The following TENM4 variants were observed in gnomAD, a reference collection of about 807,000 sequenced individuals.
The protein encoded by TENM4 is teneurin-4.
In TENM4, 82 loss-of-function variants were observed where a neutral mutation model predicts 243.3. The observed-to-expected ratio is 0.34, with a 90% CI of 0.28 to 0.40. TENM4 has a LOEUF of 0.40. TENM4 is among the 10% of genes least tolerant of loss of function. TENM4 has a pLI of 1.00. For synonymous variants in TENM4, 1,412 were observed against 1,456.3 expected (o/e 0.97, Z 0.69); for missense variants, 3,138 against 3,673.3 (o/e 0.85, Z 3.77).
intron 1 of TENM4, among the ~76,000 whole-genome samples, chr11:79,334,271 C>T (rs1380526482): frequency 6.6e-6 from 1 of 152,202 alleles, no homozygotes; most frequent in African/African-American, 2.4e-5. Flanking sequence ...CAGAGTGGGC[C>T]CATCTGGAGA....
chr11:79,122,497 C>T (rs1451193572), intron 4 of TENM4, among the ~76,000 whole-genome samples: 1 of 152,138 alleles, frequency 6.6e-6, no homozygotes, highest in Non-Finnish European at 1.5e-5. Context: ...TCCGCTGGGA[C>T]TAGCTTAGCA....
At chr11:78,810,875 G>A (rs968788121) in intron 14 of TENM4, among the ~76,000 whole-genome samples, 2 of 152,206 alleles carry the variant, frequency 1.3e-5, no homozygotes, top group African/African-American at 4.8e-5. Flanking sequence ...AGGTGCCAGG[G>A]TGCTAGATGG....
intron 2 of TENM4, among the ~76,000 whole-genome samples, chr11:79,236,170 A>G (rs1173966432): frequency 6.6e-6 from 1 of 152,108 alleles, no homozygotes; most frequent in Non-Finnish European, 1.5e-5. Flanking sequence ...TATGGAAAAA[A>G]GGTATATAAT....
intron 1 of TENM4, among the ~76,000 whole-genome samples, chr11:79,367,910 C>A (rs1232471900): frequency 6.6e-6 from 1 of 152,170 alleles, no homozygotes; most frequent in East Asian, 1.9e-4. Flanking sequence ...GAGTTTCAAG[C>A]CTCCTTTGTG....
At chr11:79,359,360 C>T (rs1857553130) in intron 1 of TENM4, among the ~76,000 whole-genome samples, 1 of 152,218 alleles carries the variant, frequency 6.6e-6, no homozygotes, top group Middle Eastern at 3.4e-3. Context: ...GGAATTCTTA[C>T]ACATCATCCA....
chr11:78,746,478 G>A (rs933318299), intron 19 of TENM4, among the ~76,000 whole-genome samples: 1 of 152,258 alleles, frequency 6.6e-6, no homozygotes, highest in Non-Finnish European at 1.5e-5. Flanking sequence ...TGGGCAGCCT[G>A]GCTGCTCAAT....
At position 78,846,974 on chromosome 11, in the gene TENM4, AC is replaced by A. The variant is rs1248980904; in HGVS notation, c.1681+7129del. Among the ~76,000 whole-genome samples the A allele has an allele frequency of 9.2e-5, 14 of 152,324 alleles. No individual in the cohort carries two copies. The East Asian group carries it at 2.7e-3, about 29-fold the overall frequency. On this transcript the variant is annotated intron_variant, in intron 12 of 33. Coordinates refer to ENST00000278550, the MANE Select transcript of TENM4 (RefSeq NM_001098816.3). ...TTATATCTCTGAGTGTCCAAGTGAC[AC>A]AGCTCTGCCAAAGAAATGTAAGCTG...
intron 4 of TENM4, among the ~76,000 whole-genome samples, chr11:79,106,874 C>G (rs1489092724): frequency 6.6e-6 from 1 of 152,192 alleles, no homozygotes; most frequent in Non-Finnish European, 1.5e-5. Context: ...AGATGAAGAA[C>G]AGCATGAATA....
intron 3 of TENM4, among the ~76,000 whole-genome samples, chr11:79,152,329 C>T (rs370791546): frequency 1.3e-5 from 2 of 152,114 alleles, no homozygotes; most frequent in Admixed American, 6.5e-5. Context: ...TCAAAGTGAA[C>T]GGCTACAACC....
chr11:78,767,269 C>A (rs1024105781), intron 18 of TENM4, among the ~76,000 whole-genome samples: 11 of 152,232 alleles, frequency 7.2e-5, no homozygotes, highest in Non-Finnish European at 1.2e-4. Context: ...TTTTCCTTAT[C>A]ATGAGGGAAT....
intron 3 of TENM4, among the ~76,000 whole-genome samples, chr11:79,149,511 A>C (rs759499072): frequency 2.4e-4 from 37 of 151,714 alleles, no homozygotes; most frequent in Middle Eastern, 6.8e-3. Context: ...TCTGAGAGTT[A>C]GTTGGAAGTA....
chr11:79,129,405 T>C (rs1861951599), intron 4 of TENM4, among the ~76,000 whole-genome samples: 1 of 152,144 alleles, frequency 6.6e-6, no homozygotes. Context: ...ACAAATCTGG[T>C]GTGCAGACTC....
chr11:78,776,803 T>C (rs1040731249), intron 17 of TENM4, among the ~76,000 whole-genome samples: 3 of 152,022 alleles, frequency 2.0e-5, no homozygotes, highest in Non-Finnish European at 4.4e-5. Context: ...TGAGAAAGAA[T>C]ATAGGCCACT....
At chr11:78,840,696 G>A (rs1302469052) in intron 12 of TENM4, among the ~76,000 whole-genome samples, 2 of 152,226 alleles carry the variant, frequency 1.3e-5, no homozygotes, top group Non-Finnish European at 2.9e-5. Flanking sequence ...GACAAAGCTC[G>A]CACCCTGCAG....
chr11:78,869,149 C>G (rs1859059727), intron 9 of TENM4, among the ~76,000 whole-genome samples: 1 of 151,880 alleles, frequency 6.6e-6, no homozygotes, highest in South Asian at 2.1e-4. Flanking sequence ...AAATTGGAAG[C>G]AAACTCGATG....
chr11:79,433,701 G>C (rs1859213698), intron 1 of TENM4, among the ~76,000 whole-genome samples: 1 of 152,190 alleles, frequency 6.6e-6, no homozygotes, highest in Non-Finnish European at 1.5e-5. Flanking sequence ...AAGGGAACCG[G>C]GGTGCTGACC....
Position 79,421,844 on chromosome 11 carries a change from G to C in TENM4, c.-321+18665C>G, listed in dbSNP as rs80272049. On this transcript the variant is annotated intron_variant, in intron 1 of 33. Coordinates refer to ENST00000278550, the MANE Select transcript of TENM4 (RefSeq NM_001098816.3). ...AGTCTATGATGGACTTTAATTATGA[G>C]AGGCAGCAGATAAGAGTCCAGTTCA... Among the ~76,000 whole-genome samples, 283 of 152,246 alleles carry C rather than the reference G, an allele frequency of 1.9e-3. 1 individual carries two copies. Among genetic ancestry groups the C allele is most frequent in the African/African-American group, 6.4e-3 (267 of 41,556 alleles).
At position 78,729,399 on chromosome 11, in the gene TENM4, A is replaced by G; in HGVS notation, c.3383T>C (p.Val1128Ala). The change falls in exon 22 of 34, where the codon GTG becomes GCG. Residue 1128 changes from valine (V) to alanine (A), a missense_variant. Val to Ala is a moderately conservative substitution (Grantham distance 64). Around this residue, in one of 2 missense-constraint regions of TENM4, gnomAD observed 2,467 missense variants for 3,059.1 expected, o/e 0.81. Coordinates refer to ENST00000278550, the MANE Select transcript of TENM4 (RefSeq NM_001098816.3). ...ACCAAAGGCTTCTGAAAGCCCAAACACCTTCTGGTTGTAGACGTCTGTCTT... is the reference window on the plus strand; with the variant it reads ...ACCAAAGGCTTCTGAAAGCCCAAACGCCTTCTGGTTGTAGACGTCTGTCTT... ...WDKTDVYNQK[V>A]FGLSEAFVSV... The G allele has an allele frequency of 6.3e-7, 1 of 1,580,952 alleles. No homozygotes were observed. The highest frequency in any genetic ancestry group is 1.1e-5 in the South Asian group (1 of 87,032).
At position 78,899,574 on chromosome 11, in the gene TENM4, A is replaced by AGGGG. The variant is rs1855883538; in HGVS notation, c.749+3693_749+3694insCCCC. ...TCTCAAAAAGCGGGGGGGGGGGGAA[A>AGGGG]AAGAAAAAAGAAAGAAAATTTGATA... On this transcript the variant is annotated intron_variant, in intron 7 of 33. Coordinates refer to ENST00000278550, the MANE Select transcript of TENM4 (RefSeq NM_001098816.3). Among the ~76,000 whole-genome samples, 51 of 71,532 alleles carry AGGGG rather than the reference A, an allele frequency of 7.1e-4. 3 individuals are homozygous for AGGGG. The highest frequency in any genetic ancestry group is 1.4e-3 in the African/African-American group (34 of 24,034). 46.9% of individuals were successfully genotyped at this position (71,532 alleles called of 152,430 possible).
Sources: allele counts gnomAD v4.1 joint callset (sites outside exome capture counted in the v4.1 genomes callset), GRCh38; gene constraint gnomAD v4.1.1; regional missense constraint gnomAD v4.1.1; transcripts MANE v1.5; gene names NCBI Gene and HGNC (gene_info 2026-07-23, HGNC 2026-07-21).